Variants in ARHGAP19 observed in about 807,000 individuals in gnomAD.
ARHGAP19 encodes the protein Rho GTPase activating protein 19.
ARHGAP19 carries 48 observed loss-of-function variants against 60.9 expected under a neutral mutation model. The ratio of observed to expected loss-of-function variants is 0.79; its 90% confidence interval spans 0.62 to 1.00. The LOEUF (loss-of-function observed/expected upper bound fraction) is 1.00. ARHGAP19 is among the 50% of genes least tolerant of loss of function. ARHGAP19 has a pLI of 0.00. For synonymous variants in ARHGAP19, 209 were observed against 215.5 expected (o/e 0.97, Z 0.27); for missense variants, 562 against 597.2 (o/e 0.94, Z 0.61).
intron 1 of ARHGAP19, among the ~76,000 whole-genome samples, chr10:97,279,617 C>G (rs1049014431): frequency 6.6e-6 from 1 of 152,050 alleles, no homozygotes; most frequent in African/African-American, 2.4e-5. Context: ...CTCGTCCTCC[C>G]AAGTAGCTGG....
intron 4 of ARHGAP19, among the ~76,000 whole-genome samples, chr10:97,262,569 GCAGGAGA>G: frequency 1.3e-5 from 2 of 152,238 alleles, no homozygotes; most frequent in South Asian, 4.1e-4. Flanking sequence ...GGAGGCTGAG[GCAGGAGA>G]ATCACTTGAA....
At chr10:97,253,463 G>A (rs1018251771) in intron 6 of ARHGAP19, among the ~76,000 whole-genome samples, 4 of 152,062 alleles carry the variant, frequency 2.6e-5, no homozygotes, top group Admixed American at 6.6e-5. Flanking sequence ...GAGGTAGGGA[G>A]TAGAATAGTT....
chr10:97,242,324 CTTTTTT>C (rs1164708198), intron 8 of ARHGAP19, among the ~76,000 whole-genome samples: 1 of 55,796 alleles, frequency 1.8e-5, no homozygotes, highest in African/African-American at 7.4e-5. Context: ...TATCAGTGTT[CTTTTTT>C]TTTTTTTTTT....
chr10:97,264,553 T>C (rs1842873512), intron 3 of ARHGAP19, among the ~76,000 whole-genome samples: 1 of 152,084 alleles, frequency 6.6e-6, no homozygotes, highest in Non-Finnish European at 1.5e-5. Flanking sequence ...TTAGGGACAA[T>C]GTATTTTTCC....
At chr10:97,262,494 G>A (rs1340953397) in intron 4 of ARHGAP19, among the ~76,000 whole-genome samples, 6 of 152,100 alleles carry the variant, frequency 3.9e-5, no homozygotes, top group Non-Finnish European at 5.9e-5. Context: ...GTGAAATCCC[G>A]TCTCTACTAA....
chr10:97,242,802 C>T (rs1842509314), intron 8 of ARHGAP19, among the ~76,000 whole-genome samples: 1 of 152,120 alleles, frequency 6.6e-6, no homozygotes. Flanking sequence ...GCGTGAGCCA[C>T]CATGCCCGGC....
At chr10:97,244,634 TACG>T (rs1842536943) in intron 7 of ARHGAP19, among the ~76,000 whole-genome samples, 1 of 152,190 alleles carries the variant, frequency 6.6e-6, no homozygotes, top group African/African-American at 2.4e-5. Context: ...GGCAACTTAA[TACG>T]ACAACTAGAC....
chr10:97,287,528 G>A (rs1216980605), intron 1 of ARHGAP19, among the ~76,000 whole-genome samples: 5 of 152,122 alleles, frequency 3.3e-5, no homozygotes, highest in African/African-American at 7.2e-5. Context: ...GAATGCTTGA[G>A]CCCAGGAGTT....
chr10:97,279,271 G>A (rs961893529), intron 1 of ARHGAP19, among the ~76,000 whole-genome samples: 4 of 152,000 alleles, frequency 2.6e-5, no homozygotes, highest in Admixed American at 1.3e-4. Context: ...TTAATAAGTC[G>A]TACCACAATT....
At chr10:97,241,053 G>A (rs1448773335) in intron 8 of ARHGAP19, among the ~76,000 whole-genome samples, 2 of 152,200 alleles carry the variant, frequency 1.3e-5, no homozygotes, top group African/African-American at 4.8e-5. Context: ...GGGTGCGGTG[G>A]CTCACGCCTG....
At chr10:97,231,387 A>G (rs1323376810) in intron 9 of ARHGAP19, among the ~76,000 whole-genome samples, 1 of 152,158 alleles carries the variant, frequency 6.6e-6, no homozygotes, top group African/African-American at 2.4e-5. Flanking sequence ...TTGTGCAACC[A>G]TCACCATCAT....
rs1409215263 is a variant in ARHGAP19, at chr10:97,265,042, C to T, written c.323-136G>A. The T allele has an allele frequency of 1.7e-5, 11 of 656,342 alleles. No homozygotes were observed. The East Asian group carries it at 2.5e-4, about 15-fold the overall frequency. The allele number at this position is 656,342 out of a possible 1,614,324, so 40.7% of individuals were successfully genotyped here. A position where few individuals can be genotyped will look rare whatever the true frequency, so the allele number is the denominator to read the frequency against. On this transcript the variant is annotated intron_variant, in intron 2 of 11. Coordinates refer to ENST00000358531, the MANE Select transcript of ARHGAP19 (RefSeq NM_032900.6). ...TGGTCAGTAAACAAAAACCTTAGAA[C>T]TGGAAGTGCACCAGAAAACGCGAGC... is the stretch of plus-strand genomic sequence containing the variant.
intron 1 of ARHGAP19, among the ~76,000 whole-genome samples, chr10:97,271,225 AT>A (rs1842955619): frequency 6.6e-6 from 1 of 152,162 alleles, no homozygotes; most frequent in Admixed American, 6.5e-5. Context: ...CTAAAGAGAA[AT>A]GGATAAAAGG....
chr10:97,273,543 C>G (rs947792118), intron 1 of ARHGAP19, among the ~76,000 whole-genome samples: 1 of 130,356 alleles, frequency 7.7e-6, no homozygotes, highest in African/African-American at 2.9e-5. Context: ...GGCTGGAGTA[C>G]AGTGGCACTA....
intron 1 of ARHGAP19, among the ~76,000 whole-genome samples, chr10:97,285,886 C>T (rs532941552): frequency 2.0e-5 from 3 of 152,262 alleles, no homozygotes; most frequent in African/African-American, 4.8e-5. Flanking sequence ...ATAACACTAC[C>T]GACCCAATTG....
intron 8 of ARHGAP19, among the ~76,000 whole-genome samples, chr10:97,237,060 T>C (rs757245815): frequency 1.3e-5 from 2 of 151,226 alleles, no homozygotes; most frequent in African/African-American, 2.4e-5. Context: ...AGCTCAAGAG[T>C]TCATGACCAG....
intron 11 of ARHGAP19, 200 bp downstream of exon 11, chr10:97,228,947 C>A (rs1564709382): frequency 1.5e-5 from 10 of 686,466 alleles, no homozygotes; most frequent in Non-Finnish European, 2.4e-5. Context: ...CACAGCTCTA[C>A]CCTTAGCACC....
At chr10:97,245,595 CAAA>C (rs397845381) in intron 7 of ARHGAP19, among the ~76,000 whole-genome samples, 3,358 of 112,246 alleles carry the variant, frequency 0.03, 118 homozygotes, top group African/African-American at 0.097. Context: ...AACCCTATCT[CAAA>C]AAAAAAAAAA....
chr10:97,292,411 C>T (rs959309596), intron 1 of ARHGAP19, among the ~76,000 whole-genome samples, 161 bp downstream of exon 1: 4 of 152,176 alleles, frequency 2.6e-5, no homozygotes, highest in Non-Finnish European at 5.9e-5. Context: ...AGCGCCCAGG[C>T]CCGACCCCCG....
Sources: allele counts gnomAD v4.1 joint callset (sites outside exome capture counted in the v4.1 genomes callset), GRCh38; gene constraint gnomAD v4.1.1; transcripts MANE v1.5; gene names NCBI Gene and HGNC (gene_info 2026-07-23, HGNC 2026-07-21).